Variants in WWOX observed in about 807,000 individuals in gnomAD.
WWOX encodes WW domain-containing oxidoreductase.
In WWOX, 69 loss-of-function variants were observed where a neutral mutation model predicts 46.2. That is an observed-to-expected ratio of 1.49 (90% confidence interval 1.23 to 1.82). The LOEUF is 1.82. Among genes scored for constraint, WWOX ranks in the 40% most tolerant of loss-of-function variants. WWOX has a pLI of 0.00. For missense variants in WWOX, 919 were observed against 542.6 expected, an observed-to-expected ratio of 1.69 and a Z score of -6.89; for synonymous variants, 359 against 202.6, an observed-to-expected ratio of 1.77 and a Z score of -6.56.
intron 6 of WWOX, among the ~76,000 whole-genome samples, chr16:78,411,513 T>TCAC (rs1239117583): frequency 1.3e-5 from 2 of 152,132 alleles, no homozygotes; most frequent in African/African-American, 4.8e-5. Flanking sequence ...AGTGGATGAT[T>TCAC]CACCTGCCTG....
chr16:78,616,573 C>T (rs1186691816), intron 8 of WWOX, among the ~76,000 whole-genome samples: 1 of 151,748 alleles, frequency 6.6e-6, no homozygotes, highest in Non-Finnish European at 1.5e-5. Flanking sequence ...AGGTCGAGAC[C>T]AGCCTGGCTG....
chr16:78,988,681 A>G (rs779382183), intron 8 of WWOX, among the ~76,000 whole-genome samples: 1 of 152,232 alleles, frequency 6.6e-6, no homozygotes, highest in Non-Finnish European at 1.5e-5. Context: ...CACGAAGACC[A>G]GTACAGAAGG....
At chr16:78,648,111 G>T (rs1416464105) in intron 8 of WWOX, among the ~76,000 whole-genome samples, 3 of 152,210 alleles carry the variant, frequency 2.0e-5, no homozygotes, top group African/African-American at 7.2e-5. Flanking sequence ...GAGAAAATCA[G>T]TCAGACAGGA....
At chr16:78,300,758 G>T (rs2080025976) in intron 5 of WWOX, among the ~76,000 whole-genome samples, 1 of 151,984 alleles carries the variant, frequency 6.6e-6, no homozygotes, top group East Asian at 1.9e-4. Flanking sequence ...ATTATGATTG[G>T]AAACTATTTT....
chr16:78,691,349 C>T (rs972828081), intron 8 of WWOX: 5 of 694,658 alleles, frequency 7.2e-6, no homozygotes, highest in Non-Finnish European at 1.3e-5. Context: ...ATAGCTTTAT[C>T]TTATGACAAA....
chr16:78,425,875 C>T (rs987802635), intron 7 of WWOX, among the ~76,000 whole-genome samples: 1 of 151,988 alleles, frequency 6.6e-6, no homozygotes, highest in East Asian at 1.9e-4. Flanking sequence ...CTATTTTTTC[C>T]TCCTTCTTCT....
chr16:78,574,871 A>T (rs2044810551), intron 8 of WWOX, among the ~76,000 whole-genome samples: 1 of 149,282 alleles, frequency 6.7e-6, no homozygotes, highest in Admixed American at 6.8e-5. Flanking sequence ...AGTTCTGGAG[A>T]TCTAATGTAC....
chr16:78,210,774 A>T (rs2151787133), intron 5 of WWOX, among the ~76,000 whole-genome samples: 1 of 152,362 alleles, frequency 6.6e-6, no homozygotes, highest in African/African-American at 2.4e-5. Flanking sequence ...ATATCCATTT[A>T]AAAATGTTAG....
At position 78,993,513 on chromosome 16, in the gene WWOX, A is replaced by C. The variant is rs530688554; in HGVS notation, c.1057-218095A>C. Among the ~76,000 whole-genome samples the C allele has an allele frequency of 8.5e-5, 13 of 152,256 alleles. No homozygotes were observed. In the South Asian group the frequency reaches 1.7e-3, roughly 19 times the overall value. ...GATAAATGACTAATCAGCACGCAGG[A>C]GCCTCAGTCCTCAAAGGAGGACTAT... is the stretch of plus-strand genomic sequence containing the variant. On this transcript the variant is annotated intron_variant, in intron 8 of 8. Transcript: ENST00000566780.
At chr16:78,544,739 G>T (rs1418407559) in intron 8 of WWOX, among the ~76,000 whole-genome samples, 1 of 152,026 alleles carries the variant, frequency 6.6e-6, no homozygotes, top group Non-Finnish European at 1.5e-5. Flanking sequence ...GCTGGGTATG[G>T]TTGTGCACTC....
intron 8 of WWOX, among the ~76,000 whole-genome samples, chr16:78,708,784 A>T (rs1258586973): frequency 6.6e-6 from 1 of 152,190 alleles, no homozygotes; most frequent in Non-Finnish European, 1.5e-5. Flanking sequence ...CAGAGGCATA[A>T]GGCTCCTTGA....
chr16:78,542,088 T>C (rs1041989778), intron 8 of WWOX, among the ~76,000 whole-genome samples: 1 of 146,146 alleles, frequency 6.8e-6, no homozygotes, highest in Non-Finnish European at 1.5e-5. Flanking sequence ...GACTTAATCT[T>C]CATGATGTTT....
At chr16:78,933,209 C>G (rs546599047) in intron 8 of WWOX, among the ~76,000 whole-genome samples, 1 of 152,174 alleles carries the variant, frequency 6.6e-6, no homozygotes, top group South Asian at 2.1e-4. Context: ...CAGGCCAAGG[C>G]GGGTGGATCA....
chr16:78,969,097 G>A (rs1238330209), intron 8 of WWOX, among the ~76,000 whole-genome samples: 2 of 152,052 alleles, frequency 1.3e-5, no homozygotes, highest in Non-Finnish European at 2.9e-5. Flanking sequence ...TATAATTGTG[G>A]GAGGGAGAAG....
At chr16:79,129,535 C>T (rs149348919) in intron 8 of WWOX, among the ~76,000 whole-genome samples, 375 of 151,350 alleles carry the variant, frequency 2.5e-3, no homozygotes, top group African/African-American at 7.1e-3. Context: ...CGGTTTATTC[C>T]GAAAGACTGC....
At chr16:78,656,141 G>A (rs976719842) in intron 8 of WWOX, among the ~76,000 whole-genome samples, 1 of 152,168 alleles carries the variant, frequency 6.6e-6, no homozygotes, top group Non-Finnish European at 1.5e-5. Flanking sequence ...GAGGATGAAA[G>A]TTATGCTCTG....
At chr16:79,145,514 T>G (rs2050168083) in intron 8 of WWOX, among the ~76,000 whole-genome samples, 2 of 152,170 alleles carry the variant, frequency 1.3e-5, no homozygotes, top group Admixed American at 1.3e-4. Flanking sequence ...CAAATATTAT[T>G]CCAAACTGTA....
intron 8 of WWOX, among the ~76,000 whole-genome samples, chr16:78,877,285 C>G (rs1052056216): frequency 8.3e-5 from 12 of 145,072 alleles, no homozygotes; most frequent in Non-Finnish European, 1.2e-4. Flanking sequence ...GCCTCCCCCC[C>G]TCTGACCCGC....
chr16:78,881,187 C>G (rs1024532428), intron 8 of WWOX, among the ~76,000 whole-genome samples: 9 of 151,664 alleles, frequency 5.9e-5, no homozygotes, highest in Non-Finnish European at 1.2e-4. Flanking sequence ...TTTTTTGGTA[C>G]AGATGGGATT....
Sources: allele counts gnomAD v4.1 joint callset (sites outside exome capture counted in the v4.1 genomes callset), GRCh38; gene constraint gnomAD v4.1.1; transcripts MANE v1.5; gene names NCBI Gene and HGNC (gene_info 2026-07-23, HGNC 2026-07-21).